SAFB: variants seen among roughly 807,000 people sequenced by gnomAD.
SAFB encodes scaffold attachment factor B1.
A neutral mutation model predicts 101.6 loss-of-function variants in SAFB; 15 were observed. The ratio of observed to expected loss-of-function variants is 0.15; its 90% CI spans 0.10 to 0.23. SAFB has a LOEUF of 0.23. SAFB is among the 10% of genes least tolerant of loss of function. SAFB has a pLI of 1.00. For synonymous variants in SAFB, 449 were observed against 407.5 expected (o/e 1.10, Z -1.23); for missense variants, 930 against 1,104.1 (o/e 0.84, Z 2.23).
rs2054083698 is a variant in SAFB, at chr19:5,657,248, A to G, written c.1763A>G (p.Lys588Arg). 5.6e-6 allele frequency: 9 copies of G among 1,613,644 alleles called. No individual in the cohort carries two copies. Among genetic ancestry groups the G allele is most frequent in the Non-Finnish European group, 7.6e-6 (9 of 1,179,670 alleles). Residue 588 changes from lysine (K) to arginine (R), a missense_variant, in exon 14 of 21, where the codon AAA (lysine) becomes AGA (arginine). Around this residue, in one of 7 missense-constraint regions of SAFB, gnomAD observed 159 missense variants for 234.1 expected, o/e 0.68. Coordinates refer to ENST00000588852, the MANE Select transcript of SAFB (RefSeq NM_001201338.2). ...KTSGSKERAS[K>R]SQDRKSASRE... ...TGTTCTTTGGTGAACTAGGCTTCCA[A>G]AAGCCAGGATCGCAAATCAGCCAGC... is the stretch of plus-strand genomic sequence containing the variant.
chr19:5,631,132 G>GT (rs1470970285), intron 2 of SAFB, among the ~76,000 whole-genome samples: 3 of 152,186 alleles, frequency 2.0e-5, no homozygotes, highest in African/African-American at 7.2e-5. Context: ...GGAGGTTGCA[G>GT]TGAGCTGAGA....
intron 2 of SAFB, among the ~76,000 whole-genome samples, chr19:5,627,482 T>C (rs1205405417): frequency 1.3e-5 from 2 of 152,160 alleles, no homozygotes; most frequent in Non-Finnish European, 2.9e-5. Flanking sequence ...TCCTATTGCT[T>C]GGACTTGGAG....
At chr19:5,641,456 C>G in intron 2 of SAFB, 138 bp from the exon 3 acceptor site, 2 of 701,342 alleles carry the variant, frequency 2.9e-6, no homozygotes. Flanking sequence ...TGGCCTCATT[C>G]CTGGATTAGG....
chr19:5,663,426 A>C (rs1429360520), intron 15 of SAFB, among the ~76,000 whole-genome samples: 1 of 152,240 alleles, frequency 6.6e-6, no homozygotes, highest in African/African-American at 2.4e-5. Flanking sequence ...TTACACGTGC[A>C]CTGCAACCTG....
chr19:5,640,665 C>T (rs2053689193), intron 2 of SAFB, among the ~76,000 whole-genome samples: 1 of 151,810 alleles, frequency 6.6e-6, no homozygotes. Context: ...TCTCAGCTCA[C>T]TGCAACCTAA....
In SAFB at chr19:5,664,016, T is replaced by C; in HGVS notation, c.2154-6T>C. 6.2e-7 allele frequency: 1 copy of C among 1,613,432 alleles called. No homozygotes were observed. The highest frequency in any genetic ancestry group is 8.5e-7 in the Non-Finnish European group (1 of 1,179,786). On this transcript the variant is annotated splice_polypyrimidine_tract_variant and splice_region_variant and intron_variant, in intron 15 of 20. Coordinates refer to ENST00000588852, the MANE Select transcript of SAFB (RefSeq NM_001201338.2). ...CCCTCTATCTCTGTCTCATGTCCCC[T>C]CACAGGCGAGATGATGCCTATTGGC...
intron 11 of SAFB, 146 bp downstream of exon 11, chr19:5,653,566 A>G: frequency 1.5e-6 from 1 of 681,196 alleles, no homozygotes; most frequent in Non-Finnish European, 2.5e-6. Flanking sequence ...CCTGGGTTCA[A>G]GCAATTCTCC....
chr19:5,646,370 C>T (rs1257293486), intron 5 of SAFB, among the ~76,000 whole-genome samples: 3 of 152,248 alleles, frequency 2.0e-5, no homozygotes, highest in East Asian at 3.9e-4. Context: ...TTAGAGCTGC[C>T]GTCTCTCCAC....
intron 2 of SAFB, among the ~76,000 whole-genome samples, chr19:5,637,647 C>T (rs1040425730): frequency 5.3e-5 from 8 of 152,202 alleles, no homozygotes; most frequent in Admixed American, 2.6e-4. Flanking sequence ...GCCTTGGTGA[C>T]GGGGTCAGAC....
chr19:5,631,817 G>A (rs779850177), intron 2 of SAFB, among the ~76,000 whole-genome samples: 12 of 152,166 alleles, frequency 7.9e-5, no homozygotes, highest in African/African-American at 2.7e-4. Flanking sequence ...ACACCGACGC[G>A]GAAGGATGAC....
chr19:5,658,861 G>A (rs1400524013), intron 14 of SAFB, among the ~76,000 whole-genome samples: 3 of 134,874 alleles, frequency 2.2e-5, no homozygotes, highest in East Asian at 2.3e-4. Flanking sequence ...AGGGGGGGTC[G>A]GGGGGCCGGG....
At chr19:5,630,328 T>C (rs1287031196) in intron 2 of SAFB, among the ~76,000 whole-genome samples, 3 of 152,246 alleles carry the variant, frequency 2.0e-5, no homozygotes, top group East Asian at 1.9e-4. Flanking sequence ...GTTTGTCTTA[T>C]TGAGTTATAA....
intron 14 of SAFB, among the ~76,000 whole-genome samples, chr19:5,659,595 A>T (rs1599377966): frequency 6.6e-6 from 1 of 151,522 alleles, no homozygotes; most frequent in South Asian, 2.1e-4. Context: ...GTTAGCCAGG[A>T]TGGTCTCGAT....
chr19:5,632,513 C>T (rs1273201592), intron 2 of SAFB, among the ~76,000 whole-genome samples: 3 of 152,164 alleles, frequency 2.0e-5, no homozygotes, highest in Non-Finnish European at 4.4e-5. Flanking sequence ...CATTTAGATT[C>T]AGTAGTTTGT....
At chr19:5,640,590 T>G (rs1416667494) in intron 2 of SAFB, among the ~76,000 whole-genome samples, 1 of 152,092 alleles carries the variant, frequency 6.6e-6, no homozygotes, top group African/African-American at 2.4e-5. Flanking sequence ...AATTTTTGTT[T>G]TGTTTTGTTT....
chr19:5,632,162 G>A (rs1338104873), intron 2 of SAFB, among the ~76,000 whole-genome samples: 1 of 152,220 alleles, frequency 6.6e-6, no homozygotes, highest in Non-Finnish European at 1.5e-5. Flanking sequence ...GAGATGCAAA[G>A]TTGGCCTGTT....
intron 14 of SAFB, among the ~76,000 whole-genome samples, chr19:5,659,980 G>A (rs1296063846): frequency 1.3e-5 from 2 of 152,196 alleles, no homozygotes; most frequent in Non-Finnish European, 2.9e-5. Flanking sequence ...GGGCTCCTCC[G>A]GAAGGTGCTG....
chr19:5,648,294 A>G (rs1002470668), intron 6 of SAFB: 3 of 514,524 alleles, frequency 5.8e-6, no homozygotes, highest in Non-Finnish European at 6.8e-6. Context: ...GCCTTTTTGA[A>G]TATCAACAGC....
chr19:5,649,795 A>G (rs915229936), intron 7 of SAFB, 131 bp from the exon 8 acceptor site: 13 of 873,482 alleles, frequency 1.5e-5, no homozygotes, highest in South Asian at 7.8e-5. Context: ...TTTCAATACA[A>G]GTTTGTCGGG....
Sources: allele counts gnomAD v4.1 joint callset (sites outside exome capture counted in the v4.1 genomes callset), GRCh38; gene constraint gnomAD v4.1.1; regional missense constraint gnomAD v4.1.1; transcripts MANE v1.5; gene names NCBI Gene and HGNC (gene_info 2026-07-23, HGNC 2026-07-21).